Variants in SRBD1 observed in about 807,000 individuals in gnomAD.
SRBD1 encodes the protein S1 RNA binding domain 1.
SRBD1 carries 88 observed loss-of-function variants against 115.3 expected under a neutral mutation model. The ratio of observed to expected loss-of-function variants is 0.76; its 90% CI spans 0.64 to 0.91. SRBD1 has a LOEUF of 0.91. Among genes scored for constraint, SRBD1 ranks in the 40% least tolerant of loss-of-function variants. SRBD1 has a pLI of 0.00. For synonymous variants in SRBD1, 509 were observed against 407.7 expected, an observed-to-expected ratio of 1.25 and a Z score of -2.99; for missense variants, 1,385 against 1,177.4, an observed-to-expected ratio of 1.18 and a Z score of -2.58.
intron 18 of SRBD1, 42 bp downstream of exon 18, chr2:45,418,323 G>A (rs768502628): frequency 8.1e-6 from 13 of 1,595,756 alleles, no homozygotes; most frequent in African/African-American, 1.4e-5. Flanking sequence ...AGTAACAAGA[G>A]AGGAGGTTGA....
chr2:45,608,270 T>C (rs1176661729), intron 1 of SRBD1, among the ~76,000 whole-genome samples: 1 of 152,194 alleles, frequency 6.6e-6, no homozygotes, highest in Non-Finnish European at 1.5e-5. Context: ...AGTTGTAATA[T>C]TTCTTTTCAC....
At chr2:45,441,189 T>G (rs775944609) in intron 16 of SRBD1, among the ~76,000 whole-genome samples, 3 of 152,134 alleles carry the variant, frequency 2.0e-5, no homozygotes, top group Non-Finnish European at 4.4e-5. Context: ...AGAGAGTTAA[T>G]ATGGAAAGGA....
intron 2 of SRBD1, among the ~76,000 whole-genome samples, chr2:45,604,569 T>TC (rs1324720346): frequency 1.3e-5 from 2 of 152,148 alleles, no homozygotes; most frequent in Non-Finnish European, 2.9e-5. Flanking sequence ...GCCACACTGG[T>TC]CTTCTTGCTG....
intron 15 of SRBD1, among the ~76,000 whole-genome samples, chr2:45,487,915 G>C (rs543179392): frequency 2.0e-5 from 3 of 152,068 alleles, no homozygotes; most frequent in African/African-American, 7.2e-5. Flanking sequence ...GCCTCCCAAA[G>C]TGCTGGGATT....
At chr2:45,482,500 TG>T (rs1477754858) in intron 15 of SRBD1, among the ~76,000 whole-genome samples, 2 of 151,950 alleles carry the variant, frequency 1.3e-5, no homozygotes, top group Non-Finnish European at 2.9e-5. Flanking sequence ...GGTACATAAT[TG>T]TAGTTATAAG....
At chr2:45,454,077 A>G (rs1443738814) in intron 16 of SRBD1, among the ~76,000 whole-genome samples, 1 of 151,982 alleles carries the variant, frequency 6.6e-6, no homozygotes, top group African/African-American at 2.4e-5. Context: ...CAAAAGGAAA[A>G]AGCGTTATCT....
intron 8 of SRBD1, 64 bp from the exon 9 acceptor site, chr2:45,573,406 T>C (rs1673082097): frequency 2.0e-6 from 3 of 1,532,478 alleles, no homozygotes; most frequent in Non-Finnish European, 2.6e-6. Context: ...GTAAAGAATA[T>C]ATAGAAATAA....
chr2:45,457,632 T>C (rs908331683), intron 16 of SRBD1, among the ~76,000 whole-genome samples: 4 of 152,014 alleles, frequency 2.6e-5, no homozygotes, highest in African/African-American at 9.7e-5. Context: ...ATAAGAAATG[T>C]CATTCTCACG....
intron 11 of SRBD1, among the ~76,000 whole-genome samples, chr2:45,553,039 T>C (rs917945201): frequency 4.6e-5 from 7 of 152,146 alleles, no homozygotes; most frequent in South Asian, 2.1e-4. Context: ...TTTCTAAAGA[T>C]TGGGTGCAAA....
intron 16 of SRBD1, among the ~76,000 whole-genome samples, chr2:45,469,197 T>A (rs925503119): frequency 6.6e-6 from 1 of 152,188 alleles, no homozygotes; most frequent in Non-Finnish European, 1.5e-5. Context: ...TGTTTTAGAT[T>A]CTAATGCAGT....
intron 14 of SRBD1, among the ~76,000 whole-genome samples, chr2:45,539,090 G>A (rs72616996): frequency 0.044 from 6,670 of 151,810 alleles, 244 homozygotes; most frequent in East Asian, 0.15. Context: ...TTTGGTGTCG[G>A]AAAATAGCAA....
chr2:45,537,059 T>C (rs1043356480), intron 14 of SRBD1, among the ~76,000 whole-genome samples: 3 of 152,188 alleles, frequency 2.0e-5, no homozygotes, highest in African/African-American at 7.2e-5. Context: ...TTAAAAATGC[T>C]GGTTAAGACG....
At chr2:45,492,362 T>C (rs1670322933) in intron 14 of SRBD1, among the ~76,000 whole-genome samples, 1 of 152,198 alleles carries the variant, frequency 6.6e-6, no homozygotes, top group Non-Finnish European at 1.5e-5. Flanking sequence ...GGAATGTTAT[T>C]ATCATTATTA....
intron 16 of SRBD1, among the ~76,000 whole-genome samples, chr2:45,445,931 G>A (rs1469720366): frequency 1.3e-5 from 2 of 152,122 alleles, no homozygotes; most frequent in African/African-American, 4.8e-5. Flanking sequence ...AAAGTTCAAT[G>A]GCTAGGAACA....
At position 45,430,313 on chromosome 2, in the gene SRBD1, CA is replaced by C. The variant is rs1484429584; in HGVS notation, c.2050-10420del. Among the ~76,000 whole-genome samples the C allele has an allele frequency of 2.0e-5, 3 of 152,100 alleles. No individual in the cohort carries two copies. In the East Asian group the frequency reaches 5.8e-4, roughly 29 times the overall value. On this transcript the variant is annotated intron_variant, in intron 16 of 20. Coordinates refer to ENST00000263736, the MANE Select transcript of SRBD1 (RefSeq NM_018079.5). ...AACTACTTTAAATTTCATATGGAAC[CA>C]AAAAAGAGCCCATATGGCCAAAATA... is the stretch of plus-strand genomic sequence containing the variant.
intron 14 of SRBD1, among the ~76,000 whole-genome samples, chr2:45,545,267 G>A (rs1424293703): frequency 2.4e-5 from 3 of 122,584 alleles, no homozygotes; most frequent in Non-Finnish European, 4.7e-5. Flanking sequence ...GTGACAGAGC[G>A]AGACTCTGTC....
intron 19 of SRBD1, among the ~76,000 whole-genome samples, chr2:45,404,365 C>A (rs963208406): frequency 6.6e-6 from 1 of 152,094 alleles, no homozygotes; most frequent in Non-Finnish European, 1.5e-5. Context: ...TCCTTAGAGC[C>A]ATGGGACCAG....
chr2:45,587,048 TTTAA>T (rs1450131650), intron 4 of SRBD1, among the ~76,000 whole-genome samples: 4 of 85,454 alleles, frequency 4.7e-5, no homozygotes, highest in Admixed American at 1.2e-4. Flanking sequence ...TTTTTAAATA[TTTAA>T]TTATTTTAAA....
At position 45,492,508 on chromosome 2, in the gene SRBD1, C is replaced by T. The variant is rs543415345; in HGVS notation, c.1875-4177G>A. ...GGCTGGAGTGCAGTGGCGCCATCTC[C>T]GCTCACTGCAAGCTCCACCTCCCGG... is the stretch of plus-strand genomic sequence containing the variant. On this transcript the variant is annotated intron_variant, in intron 14 of 20. Transcript: ENST00000263736. 1.2e-3 allele frequency among the ~76,000 whole-genome samples: 176 copies of T among 152,124 alleles called. No individual in the cohort carries two copies. The Middle Eastern group carries it at 0.024, about 21-fold the overall frequency.
Sources: allele counts gnomAD v4.1 joint callset (sites outside exome capture counted in the v4.1 genomes callset), GRCh38; gene constraint gnomAD v4.1.1; transcripts MANE v1.5; gene names NCBI Gene and HGNC (gene_info 2026-07-23, HGNC 2026-07-21).